The following KIAA1217 variants were observed in gnomAD, a reference collection of about 807,000 sequenced individuals.
KIAA1217 encodes KIAA1217, also known as sickle tail protein homolog.
KIAA1217 carries 88 observed loss-of-function variants against 163.9 expected under a neutral mutation model. The ratio of observed to expected loss-of-function variants is 0.54; its 90% CI spans 0.45 to 0.64. KIAA1217 has a LOEUF of 0.64. KIAA1217 is among the 30% of genes least tolerant of loss of function. The pLI is 0.00. For synonymous variants in KIAA1217, 903 were observed against 923.1 expected (o/e 0.98, Z 0.39); for missense variants, 2,372 against 2,475.0 (o/e 0.96, Z 0.88).
intron 2 of KIAA1217, chr10:24,042,558 T>C (rs1388076895): frequency 6.6e-6 from 1 of 152,236 alleles, no homozygotes; most frequent in East Asian, 1.9e-4. Flanking sequence ...TTAACAATAC[T>C]GACCGGTAAC....
Position 24,473,248 on chromosome 10 carries a change from T to C in KIAA1217, c.867T>C (p.Tyr289=), listed in dbSNP as rs373606893. ...GDMRMQRELV[Y]ARGDGPGAPR... is the part of the protein sequence containing the mutation. ...TTCAGATGCAGAGAGAACTTGTTTATGCAAGAGGAGATGGCCCTGGGGCCC... is the reference window on the plus strand; with the variant it reads ...TTCAGATGCAGAGAGAACTTGTTTACGCAAGAGGAGATGGCCCTGGGGCCC... The change falls in exon 6 of 21, where the codon TAT becomes TAC. Residue 289 remains tyrosine, a synonymous_variant. Transcript: ENST00000376454. 116 of 1,517,864 alleles carry C rather than the reference T, an allele frequency of 7.6e-5. No homozygotes were observed. Among genetic ancestry groups the C allele is most frequent in the Non-Finnish European group, 9.5e-5 (108 of 1,134,456 alleles). The allele number at this position is 1,517,864 out of a possible 1,614,324, so 94.0% of individuals were successfully genotyped here. A position where few individuals can be genotyped will look rare whatever the true frequency, so the allele number is the denominator to read the frequency against.
intron 3 of KIAA1217, among the ~76,000 whole-genome samples, chr10:24,415,694 G>A (rs1421282269): frequency 6.6e-6 from 1 of 152,054 alleles, no homozygotes; most frequent in Non-Finnish European, 1.5e-5. Flanking sequence ...ACACAAGACT[G>A]TGATCTGAGC....
intron 3 of KIAA1217, among the ~76,000 whole-genome samples, chr10:24,398,760 A>G (rs1192182033): frequency 6.6e-6 from 1 of 152,156 alleles, no homozygotes; most frequent in African/African-American, 2.4e-5. Context: ...CTGCAGTTGT[A>G]CACATGCCCA....
intron 14 of KIAA1217, 132 bp downstream of exon 14, chr10:24,528,251 C>CCTGGAAGA: frequency 1.5e-6 from 1 of 688,092 alleles, no homozygotes; most frequent in South Asian, 2.4e-5. Flanking sequence ...AAATGTAAAA[C>CCTGGAAGA]CTGGAAGAGC....
Position 24,544,399 on chromosome 10 carries a change from C to A in KIAA1217, c.5129C>A (p.Ala1710Asp), listed in dbSNP as rs370249163. The A allele has an allele frequency of 5.6e-6, 9 of 1,613,996 alleles. No homozygotes were observed. In the Admixed American group the frequency reaches 8.3e-5, roughly 15 times the overall value. ...AGTTCATCCCACATAGCCCAAGAGGCCTCTCCCCGACCCTTGCTAGTTCCG... is the reference window on the plus strand; with the variant it reads ...AGTTCATCCCACATAGCCCAAGAGGACTCTCCCCGACCCTTGCTAGTTCCG... ...VASSSHIAQE[A>D]SPRPLLVPDE... The change falls in exon 19 of 21, where the codon GCC (alanine) becomes GAC (aspartate). Residue 1710 changes from alanine to aspartate, a missense_variant. Ala to Asp is a moderately radical substitution (Grantham distance 126). Around this residue, in one of 3 missense-constraint regions of KIAA1217, gnomAD observed 690 missense variants for 677.5 expected, o/e 1.02. Coordinates refer to ENST00000376454, the MANE Select transcript of KIAA1217 (RefSeq NM_019590.5).
At chr10:24,412,949 AC>A (rs1467666821) in intron 3 of KIAA1217, among the ~76,000 whole-genome samples, 1 of 152,138 alleles carries the variant, frequency 6.6e-6, no homozygotes, top group African/African-American at 2.4e-5. Context: ...ATAAATTGTA[AC>A]CCTGTTATGC....
At chr10:24,098,917 A>G (rs771001387) in intron 2 of KIAA1217, among the ~76,000 whole-genome samples, 5 of 152,132 alleles carry the variant, frequency 3.3e-5, no homozygotes, top group Non-Finnish European at 7.4e-5. Flanking sequence ...CCAGGAGTTC[A>G]AGGCTGCAGT....
At chr10:23,995,167 A>G (rs987921667) in intron 1 of KIAA1217, among the ~76,000 whole-genome samples, 3 of 152,152 alleles carry the variant, frequency 2.0e-5, no homozygotes, top group African/African-American at 7.2e-5. Context: ...AACTAGGAGT[A>G]CAGGGGTGGC....
At chr10:24,488,611 A>T (rs2065705136) in intron 6 of KIAA1217, among the ~76,000 whole-genome samples, 1 of 152,224 alleles carries the variant, frequency 6.6e-6, no homozygotes, top group African/African-American at 2.4e-5. Flanking sequence ...CAATAGGTTA[A>T]CTTCTGGCAG....
intron 1 of KIAA1217, among the ~76,000 whole-genome samples, chr10:23,730,300 A>G (rs2130786092): frequency 6.6e-6 from 1 of 152,198 alleles, no homozygotes; most frequent in South Asian, 2.1e-4. Context: ...TGTTGAAAAT[A>G]GTCTTTTCTT....
At chr10:23,810,947 A>AATATATACTATATAT (rs1837002787) in intron 1 of KIAA1217, among the ~76,000 whole-genome samples, 1 of 118,278 alleles carries the variant, frequency 8.5e-6, no homozygotes, top group Non-Finnish European at 1.6e-5. Flanking sequence ...TATAGTATAT[A>AATATATACTATATAT]TTATATAATA....
intron 8 of KIAA1217, among the ~76,000 whole-genome samples, chr10:24,500,752 T>C (rs1398944965): frequency 6.6e-6 from 1 of 152,156 alleles, no homozygotes; most frequent in African/African-American, 2.4e-5. Context: ...TTTTCTCTAT[T>C]ATAAAATTGC....
At chr10:24,284,221 T>G (rs550437721) in intron 2 of KIAA1217, among the ~76,000 whole-genome samples, 1 of 152,284 alleles carries the variant, frequency 6.6e-6, no homozygotes, top group African/African-American at 2.4e-5. Flanking sequence ...CATCTTTTCT[T>G]TTTTAAAAGA....
chr10:24,546,397 C>G lies in KIAA1217; in HGVS notation c.*73C>G. 4 of 1,393,782 alleles carry G rather than the reference C, an allele frequency of 2.9e-6. No individual in the cohort carries two copies. In the South Asian group the frequency reaches 4.3e-5, roughly 15 times the overall value. 86.3% of individuals were successfully genotyped at this position (1,393,782 alleles called of 1,614,324 possible). On this transcript the variant is annotated 3_prime_UTR_variant, in exon 21 of 21. Transcript: ENST00000376454. ...TAACAGTCTACAACAACTGTTTTCACAAGAGAATGTAACATATTGCTGTAT... is the reference window on the plus strand; with the variant it reads ...TAACAGTCTACAACAACTGTTTTCAGAAGAGAATGTAACATATTGCTGTAT...
At chr10:23,891,698 A>C (rs58711189) in intron 1 of KIAA1217, among the ~76,000 whole-genome samples, 2,954 of 151,580 alleles carry the variant, frequency 0.019, 99 homozygotes, top group African/African-American at 0.065. Context: ...CTCCCTAACA[A>C]CCTAGTGTTA....
intron 2 of KIAA1217, among the ~76,000 whole-genome samples, chr10:24,061,863 T>G (rs1054214565): frequency 2.0e-5 from 3 of 152,184 alleles, no homozygotes; most frequent in Admixed American, 1.3e-4. Flanking sequence ...TTGTGTATAT[T>G]TATTTGGGTT....
At chr10:24,423,311 G>A (rs1313992440) in intron 3 of KIAA1217, among the ~76,000 whole-genome samples, 1 of 150,712 alleles carries the variant, frequency 6.6e-6, no homozygotes, top group African/African-American at 2.4e-5. Context: ...TTGAGTCAGA[G>A]ACTCAGTTTG....
intron 2 of KIAA1217, among the ~76,000 whole-genome samples, chr10:24,126,922 G>T (rs2063491014): frequency 6.6e-6 from 1 of 152,002 alleles, no homozygotes; most frequent in African/African-American, 2.4e-5. Context: ...TTACCACACT[G>T]CTCTTAGGTC....
chr10:24,325,811 A>C (rs566690758), intron 2 of KIAA1217, among the ~76,000 whole-genome samples: 1 of 152,218 alleles, frequency 6.6e-6, no homozygotes, highest in African/African-American at 2.4e-5. Context: ...AAGGGGAAGA[A>C]AATAAAGAAA....
Sources: gnomAD v4.1 joint callset for allele counts (sites outside exome capture counted in the v4.1 genomes callset) on GRCh38, gnomAD v4.1.1 for gene constraint, gnomAD v4.1.1 regional missense constraint, MANE v1.5 for transcripts, NCBI Gene and HGNC (gene_info 2026-07-23, HGNC 2026-07-21) for gene names.